The following BCL7C variants were observed in gnomAD, a reference collection of about 807,000 sequenced individuals.
The protein encoded by BCL7C is BAF chromatin remodeling complex subunit BCL7C.
BCL7C carries 8 observed loss-of-function variants against 26.2 expected under a neutral mutation model. The ratio of observed to expected loss-of-function variants is 0.30; its 90% CI spans 0.18 to 0.55. BCL7C has a LOEUF of 0.55. BCL7C is among the 20% of genes least tolerant of loss of function. BCL7C has a pLI of 0.93. For missense variants in BCL7C, 262 were observed against 298.5 expected, an observed-to-expected ratio of 0.88 and a Z score of 0.90; for synonymous variants, 90 against 116.5, an observed-to-expected ratio of 0.77 and a Z score of 1.47.
At chr16:30,861,895 G>A (rs995490623) in intron 5 of BCL7C, among the ~76,000 whole-genome samples, 27 of 116,940 alleles carry the variant, frequency 2.3e-4, no homozygotes, top group Admixed American at 6.2e-4. Flanking sequence ...ACGGAGTTTC[G>A]CTCTGTCACC....
downstream of BCL7C, chr16:30,887,713 C>T (rs571835818): frequency 1.0e-5 from 13 of 1,288,882 alleles, no homozygotes; most frequent in South Asian, 2.2e-4. Context: ...CCTCAGTGAC[C>T]ACATCTGAGC....
rs1215258300 is a variant in BCL7C, at chr16:30,887,905, G to A, written c.614C>T (p.Pro205Leu). ...QGDTEDSEGA[P>L]PLKRICPNAP... Reference sequence around the variant, plus strand: ...ATTTGGGCAGATGCGCTTGAGTGGGGGGGCACCCTCCGAGTCCTCTGTGTC... The same window carrying A: ...ATTTGGGCAGATGCGCTTGAGTGGGAGGGCACCCTCCGAGTCCTCTGTGTC... Residue 205 changes from proline to leucine, a missense_variant, in exon 6 of 6, where the codon CCC (proline) becomes CTC (leucine). Transcript: ENST00000215115. 2 of 1,602,744 alleles carry A rather than the reference G, an allele frequency of 1.2e-6. No individual in the cohort carries two copies. The highest frequency in any genetic ancestry group is 1.7e-5 in the Admixed American group (1 of 58,370).
rs1315766186 is a variant in BCL7C, at chr16:30,851,739, C to G, written c.529-16591G>C. The G allele has an allele frequency of 5.2e-6, 3 of 579,660 alleles. No homozygotes were observed. In the African/African-American group the frequency reaches 5.6e-5, roughly 11 times the overall value. 35.9% of individuals were successfully genotyped at this position (579,660 alleles called of 1,614,324 possible). On this transcript the variant is annotated intron_variant, in intron 5 of 5. Transcript: ENST00000380317. ...ATCAGACCAGCAGCAGACCACCAAA[C>G]AGTGACCGTGACCTTTTTTTGGTGC...
At position 30,888,934 on chromosome 16, in the gene BCL7C, T is replaced by A; in HGVS notation, c.454A>T (p.Ile152Leu). Residue 152 changes from isoleucine to leucine, a missense_variant, in exon 5 of 6, where the codon ATA (isoleucine) becomes TTA (leucine). Ile to Leu is a conservative substitution (Grantham distance 5, BLOSUM62 2). Coordinates refer to ENST00000215115, the MANE Select transcript of BCL7C (RefSeq NM_004765.4). ...GGTTCGTCGGTGCTGCCAGCAGTTA[T>A]GCCCCCGGGATCTGGAACGTCAAGG... ...RLGQERDPGG[I>L]TAGSTDEPPM... The A allele has an allele frequency of 6.2e-7, 1 of 1,613,984 alleles. No individual in the cohort carries two copies. Among genetic ancestry groups the A allele is most frequent in the Non-Finnish European group, 8.5e-7 (1 of 1,179,918 alleles).
downstream of BCL7C, among the ~76,000 whole-genome samples, chr16:30,887,109 G>A (rs2055144477): frequency 6.6e-6 from 1 of 152,122 alleles, no homozygotes; most frequent in Non-Finnish European, 1.5e-5. Flanking sequence ...AGGAGTTTGA[G>A]ACCAGCCTGG....
At chr16:30,851,180 C>A in intron 5 of BCL7C, 1 of 280,602 alleles carries the variant, frequency 3.6e-6, no homozygotes, top group South Asian at 3.6e-5. Context: ...AAGTGGTAGT[C>A]AGTTGGCAAG....
downstream of BCL7C, among the ~76,000 whole-genome samples, chr16:30,884,492 G>GTTTTTTT (rs71149066): frequency 3.1e-5 from 3 of 98,286 alleles, no homozygotes; most frequent in Admixed American, 1.1e-4. Flanking sequence ...ATCTCCATTT[G>GTTTTTTT]TTTTTTTTTT....
chr16:30,852,249 G>A (rs2054681774), intron 5 of BCL7C: 1 of 152,898 alleles, frequency 6.5e-6, no homozygotes, highest in African/African-American at 2.4e-5. Context: ...TGTCTCCACT[G>A]CTTTATGACC....
chr16:30,858,832 T>A (rs922410775), intron 5 of BCL7C, among the ~76,000 whole-genome samples: 2 of 152,112 alleles, frequency 1.3e-5, no homozygotes, highest in African/African-American at 4.8e-5. Context: ...GTAAAATGAC[T>A]CGCATGACTA....
In BCL7C at chr16:30,846,287, G is replaced by A. The variant is rs188484022; in HGVS notation, c.529-11139C>T. Among the ~76,000 whole-genome samples the A allele has an allele frequency of 4.5e-3, 678 of 149,546 alleles. 4 individuals are homozygous for A. The highest frequency in any genetic ancestry group is 0.016 in the African/African-American group (641 of 40,530). On this transcript the variant is annotated intron_variant, in intron 5 of 5. Transcript: ENST00000380317. ...GTGGCCCAGGCTGGAGTGCAGTGGCGCGATCTCAGCTCACTGCAAGCTCCG... is the reference window on the plus strand; with the variant it reads ...GTGGCCCAGGCTGGAGTGCAGTGGCACGATCTCAGCTCACTGCAAGCTCCG...
chr16:30,852,026 T>G (rs1455802676), intron 5 of BCL7C: 1 of 157,548 alleles, frequency 6.3e-6, no homozygotes, highest in Non-Finnish European at 1.4e-5. Flanking sequence ...CATAGAATGG[T>G]CGATGGTTGA....
At chr16:30,859,319 T>C (rs962095126) in intron 5 of BCL7C, among the ~76,000 whole-genome samples, 1 of 152,120 alleles carries the variant, frequency 6.6e-6, no homozygotes, top group African/African-American at 2.4e-5. Context: ...AAGTGAGTAA[T>C]GAAAATCCTA....
At chr16:30,835,113 G>C (rs1174900992) in exon 6 of BCL7C, 1 of 1,532,288 alleles carries the variant, frequency 6.5e-7, no homozygotes, top group Admixed American at 2.0e-5. Context: ...GCCCCTTCTC[G>C]TGAAGGGCTC....
chr16:30,835,376 C>T (rs1295313908), intron 5 of BCL7C, among the ~76,000 whole-genome samples: 1 of 152,104 alleles, frequency 6.6e-6, no homozygotes, highest in African/African-American at 2.4e-5. Context: ...GGTTTGAATC[C>T]CAATTCCAGC....
chr16:30,854,233 T>C (rs534972698), intron 5 of BCL7C, among the ~76,000 whole-genome samples: 5 of 152,334 alleles, frequency 3.3e-5, no homozygotes, highest in Admixed American at 6.5e-5. Context: ...AAAAGGAGGA[T>C]GTATGGGAGC....
At chr16:30,860,721 C>T (rs1345764068) in intron 5 of BCL7C, among the ~76,000 whole-genome samples, 2 of 152,154 alleles carry the variant, frequency 1.3e-5, no homozygotes, top group Non-Finnish European at 2.9e-5. Context: ...CCTCCCTAGT[C>T]TCTGCTCCCA....
intron 5 of BCL7C, among the ~76,000 whole-genome samples, chr16:30,862,813 T>C (rs2054789976): frequency 1.3e-5 from 2 of 152,138 alleles, no homozygotes; most frequent in African/African-American, 2.4e-5. Flanking sequence ...TAAATCATTA[T>C]ATAAACTCAC....
chr16:30,879,115 T>TC (rs2054999994), intron 5 of BCL7C, among the ~76,000 whole-genome samples: 1 of 152,132 alleles, frequency 6.6e-6, no homozygotes, highest in African/African-American at 2.4e-5. Context: ...GTGATGGTGA[T>TC]CAGCCATCCC....
chr16:30,889,319 G>A (rs1040525848), intron 4 of BCL7C, among the ~76,000 whole-genome samples: 2 of 152,164 alleles, frequency 1.3e-5, no homozygotes, highest in Admixed American at 1.3e-4. Flanking sequence ...TCATGTGGCT[G>A]TTGTGAGGGT....
Sources: allele counts gnomAD v4.1 joint callset (sites outside exome capture counted in the v4.1 genomes callset), GRCh38; gene constraint gnomAD v4.1.1; transcripts MANE v1.5; gene names NCBI Gene and HGNC (gene_info 2026-07-23, HGNC 2026-07-21).